B3GNT2: variants seen among roughly 807,000 people sequenced by gnomAD.
The protein encoded by B3GNT2 is UDP-GlcNAc:betaGal beta-1,3-N-acetylglucosaminyltransferase 2.
In B3GNT2, 12 loss-of-function variants were observed where a neutral mutation model predicts 27.6. The ratio of observed to expected loss-of-function variants is 0.44; its 90% CI spans 0.28 to 0.71. B3GNT2 has a LOEUF of 0.71. Among genes scored for constraint, B3GNT2 ranks in the 30% least tolerant of loss-of-function variants. The probability of loss-of-function intolerance (pLI) is 0.17; values close to 1 mark genes in which losing one functional copy is unlikely to be tolerated. For synonymous variants in B3GNT2, 192 were observed against 189.7 expected (o/e 1.01, Z -0.10); for missense variants, 413 against 488.5 (o/e 0.85, Z 1.46).
intron 1 of B3GNT2, among the ~76,000 whole-genome samples, chr2:62,202,162 C>T (rs549980766): frequency 1.4e-4 from 22 of 152,292 alleles, no homozygotes; most frequent in Admixed American, 3.3e-4. Flanking sequence ...CTTGGCTGTG[C>T]GTGATTGCTG....
At chr2:62,205,278 C>T (rs554648926) in intron 1 of B3GNT2, among the ~76,000 whole-genome samples, 1 of 152,334 alleles carries the variant, frequency 6.6e-6, no homozygotes. Context: ...ACTGTGGCGA[C>T]AAAAACTTTT....
intron 1 of B3GNT2, among the ~76,000 whole-genome samples, chr2:62,214,279 A>G (rs1674531186): frequency 6.6e-6 from 1 of 152,198 alleles, no homozygotes; most frequent in South Asian, 2.1e-4. Flanking sequence ...GACTTGGGAA[A>G]TAAGACATAT....
intron 1 of B3GNT2, among the ~76,000 whole-genome samples, chr2:62,202,745 A>G (rs1021947361): frequency 7.2e-5 from 11 of 152,226 alleles, no homozygotes; most frequent in African/African-American, 2.4e-4. Flanking sequence ...TTAAAAACTG[A>G]AATGACTTGA....
intron 1 of B3GNT2, among the ~76,000 whole-genome samples, chr2:62,212,975 T>TTG (rs758480057): frequency 6.6e-6 from 1 of 152,144 alleles, no homozygotes; most frequent in Non-Finnish European, 1.5e-5. Context: ...GTACACTTGC[T>TTG]TGTACACAGG....
chr2:62,205,125 A>G (rs1181654503), intron 1 of B3GNT2, among the ~76,000 whole-genome samples: 2 of 152,340 alleles, frequency 1.3e-5, no homozygotes, highest in African/African-American at 2.4e-5. Context: ...TCGTCCCTCC[A>G]CATATGTGAT....
At chr2:62,202,757 G>A (rs569628674) in intron 1 of B3GNT2, among the ~76,000 whole-genome samples, 2 of 152,296 alleles carry the variant, frequency 1.3e-5, no homozygotes, top group African/African-American at 4.8e-5. Context: ...ATGACTTGAG[G>A]TTACTTTTCT....
intron 1 of B3GNT2, among the ~76,000 whole-genome samples, chr2:62,201,269 T>A (rs1231762465): frequency 6.6e-6 from 1 of 152,242 alleles, no homozygotes; most frequent in African/African-American, 2.4e-5. Flanking sequence ...TGACATTTCC[T>A]CTCTAAAGAC....
intron 1 of B3GNT2, among the ~76,000 whole-genome samples, chr2:62,220,881 G>A (rs1674678239): frequency 6.6e-6 from 1 of 152,196 alleles, no homozygotes; most frequent in African/African-American, 2.4e-5. Context: ...GATATCCCCA[G>A]CAAACCATCT....
chr2:62,222,436 C>A lies in B3GNT2; in HGVS notation c.216C>A (p.Pro72=). ...AGAAGCTGAACCGGCAGTACAACCC[C>A]ATCCTGAGCATGCTGACCAACCAGA... The part of the protein sequence containing the change: ...EQEKLNRQYN[P]ILSMLTNQTG... The change falls in exon 2 of 2, where the codon CCC becomes CCA. Residue 72 remains proline (P), a synonymous_variant. Transcript: ENST00000301998. This position sits in a 1 kb window ranked among gnomAD's most constrained non-coding sequence, Gnocchi z 4.2. 1 of 1,614,170 alleles carries A rather than the reference C, an allele frequency of 6.2e-7. No individual in the cohort carries two copies. Among genetic ancestry groups the A allele is most frequent in the Non-Finnish European group, 8.5e-7 (1 of 1,180,048 alleles).
chr2:62,209,168 C>G (rs771254755), intron 1 of B3GNT2, among the ~76,000 whole-genome samples: 1 of 152,102 alleles, frequency 6.6e-6, no homozygotes, highest in Non-Finnish European at 1.5e-5. Context: ...ATTGGCTCTT[C>G]TGTTTTTATG....
chr2:62,210,053 T>A (rs1674451711), intron 1 of B3GNT2, among the ~76,000 whole-genome samples: 1 of 152,198 alleles, frequency 6.6e-6, no homozygotes, highest in Non-Finnish European at 1.5e-5. Context: ...TATTACTTTC[T>A]CATATCAATT....
chr2:62,223,476 C>T lies in B3GNT2; in HGVS notation c.*62C>T, dbSNP rs1377714912. 3 of 1,369,100 alleles carry T rather than the reference C, an allele frequency of 2.2e-6. No homozygotes were observed. Among genetic ancestry groups the T allele is most frequent in the African/African-American group, 1.5e-5 (1 of 68,408 alleles). The allele number at this position is 1,369,100 out of a possible 1,614,324, so 84.8% of individuals were successfully genotyped here. A position where few individuals can be genotyped will look rare whatever the true frequency, so the allele number is the denominator to read the frequency against. On this transcript the variant is annotated 3_prime_UTR_variant, in exon 2 of 2. Transcript: ENST00000301998. ...TTTTGAATAGTTCCCATGTTGTGTT[C>T]TCACATTAGAGTAATTTCTATATTA... is the stretch of plus-strand genomic sequence containing the variant.
At chr2:62,204,884 A>G (rs1674341391) in intron 1 of B3GNT2, among the ~76,000 whole-genome samples, 1 of 152,342 alleles carries the variant, frequency 6.6e-6, no homozygotes, top group African/African-American at 2.4e-5. Context: ...GGTAGCCACC[A>G]GCGGCTTCAG....
intron 1 of B3GNT2, among the ~76,000 whole-genome samples, chr2:62,204,297 T>G (rs992097855): frequency 1.2e-5 from 1 of 81,258 alleles, no homozygotes; most frequent in Admixed American, 1.1e-4. Context: ...AAGTGCCTGG[T>G]AGAAATTTTT....
intron 1 of B3GNT2, among the ~76,000 whole-genome samples, chr2:62,198,164 G>C (rs1674191156): frequency 6.6e-6 from 1 of 152,254 alleles, no homozygotes. Context: ...TTGTGCAGGC[G>C]GCATTTGTAT....
chr2:62,197,589 C>G (rs1490017922), intron 1 of B3GNT2, among the ~76,000 whole-genome samples: 1 of 152,242 alleles, frequency 6.6e-6, no homozygotes, highest in Non-Finnish European at 1.5e-5. Flanking sequence ...TTTTGCCCTT[C>G]TCTTGTTGGA....
At position 62,222,832 on chromosome 2, in the gene B3GNT2, G is replaced by A. The variant is rs771176796; in HGVS notation, c.612G>A (p.Lys204=). The change falls in exon 2 of 2, where the codon AAG becomes AAA. Residue 204 remains lysine, a synonymous_variant. Coordinates refer to ENST00000301998, the MANE Select transcript of B3GNT2 (RefSeq NM_006577.6). The surrounding 1 kb of genome is among the most constrained non-coding windows in gnomAD (Gnocchi z 4.2). ...LSDMLKFESE[K]HQDILMWNYR... ...ATATGCTGAAATTTGAGAGTGAGAA[G>A]CACCAAGACATTCTTATGTGGAACT... The A allele has an allele frequency of 3.1e-6, 5 of 1,614,170 alleles. No homozygotes were observed. The South Asian group carries it at 5.5e-5, about 18-fold the overall frequency.
At chr2:62,221,042 T>C (rs1219148888) in intron 1 of B3GNT2, among the ~76,000 whole-genome samples, 2 of 152,246 alleles carry the variant, frequency 1.3e-5, no homozygotes, top group Non-Finnish European at 2.9e-5. Context: ...CGTGGAGCCT[T>C]CATCAGGATC....
At chr2:62,209,459 T>A (rs1019372140) in intron 1 of B3GNT2, among the ~76,000 whole-genome samples, 1 of 152,164 alleles carries the variant, frequency 6.6e-6, no homozygotes, top group Non-Finnish European at 1.5e-5. Context: ...TATGAATTCA[T>A]GTGCATGTTG....
Sources: allele counts gnomAD v4.1 joint callset (sites outside exome capture counted in the v4.1 genomes callset), GRCh38; gene constraint gnomAD v4.1.1; non-coding constraint Gnocchi (gnomAD v3.1); transcripts MANE v1.5; gene names NCBI Gene and HGNC (gene_info 2026-07-23, HGNC 2026-07-21).